GPR39: variants seen among roughly 807,000 people sequenced by gnomAD.
The protein encoded by GPR39 is G protein-coupled receptor 39, also known as zinc sensing receptor.
Under a neutral mutation model 18.4 loss-of-function variants are expected in GPR39, and 23 were observed. That is an observed-to-expected ratio of 1.25 (90% CI 0.90 to 1.77). GPR39 has a LOEUF of 1.77. Among genes scored for constraint, GPR39 ranks in the 40% most tolerant of loss-of-function variants. The pLI, the probability that GPR39 is intolerant of heterozygous loss-of-function variation, is 0.00. For synonymous variants in GPR39, 280 were observed against 257.9 expected (o/e 1.09, Z -0.82); for missense variants, 647 against 602.4 (o/e 1.07, Z -0.78).
At position 132,573,288 on chromosome 2, in the gene GPR39, G is replaced by A. The variant is rs139059824; in HGVS notation, c.857-71813G>A. Among the ~76,000 whole-genome samples the A allele has an allele frequency of 4.9e-3, 748 of 152,224 alleles. 2 individuals carry two copies. Among genetic ancestry groups the A allele is most frequent in the African/African-American group, 0.016 (683 of 41,504 alleles). On this transcript the variant is annotated intron_variant, in intron 1 of 1. Coordinates refer to ENST00000329321, the MANE Select transcript of GPR39 (RefSeq NM_001508.3). ...CCCTCCTTCCTCTATTTTTCCCTCT[G>A]TGGCAATAGCTGACCAAGGAAGCTT...
intron 1 of GPR39, among the ~76,000 whole-genome samples, chr2:132,628,244 G>C (rs935644201): frequency 2.0e-5 from 3 of 152,186 alleles, no homozygotes; most frequent in African/African-American, 7.2e-5. Flanking sequence ...GGTGCCCTGA[G>C]GCTCCTGCCC....
intron 1 of GPR39, among the ~76,000 whole-genome samples, chr2:132,433,355 A>C (rs1049858054): frequency 2.0e-5 from 3 of 152,304 alleles, no homozygotes; most frequent in South Asian, 2.1e-4. Context: ...GGTAAGCTTA[A>C]GTGTTCCTAG....
At chr2:132,422,868 G>C (rs543429014) in intron 1 of GPR39, among the ~76,000 whole-genome samples, 2 of 152,102 alleles carry the variant, frequency 1.3e-5, no homozygotes, top group South Asian at 4.2e-4. Context: ...TGAAATCCCA[G>C]TCCCCATTTA....
At chr2:132,487,665 T>G (rs1195028821) in intron 1 of GPR39, among the ~76,000 whole-genome samples, 1 of 152,172 alleles carries the variant, frequency 6.6e-6, no homozygotes, top group Non-Finnish European at 1.5e-5. Flanking sequence ...TTTAACAGAT[T>G]TAACAGCCAA....
chr2:132,590,703 G>A (rs1453449883), intron 1 of GPR39, among the ~76,000 whole-genome samples: 2 of 130,004 alleles, frequency 1.5e-5, no homozygotes, highest in Non-Finnish European at 3.1e-5. Context: ...AGCATGATGA[G>A]TTTGGGTCTG....
At chr2:132,429,651 T>C (rs573054323) in intron 1 of GPR39, among the ~76,000 whole-genome samples, 1 of 152,212 alleles carries the variant, frequency 6.6e-6, no homozygotes, top group Admixed American at 6.5e-5. Context: ...TAAAAGAGTG[T>C]AAAGGAGCCT....
rs193229927 is a variant in GPR39 at position 132,477,479 on chromosome 2, T to G, written c.856+59581T>G. On this transcript the variant is annotated intron_variant, in intron 1 of 1. Coordinates refer to ENST00000329321, the MANE Select transcript of GPR39 (RefSeq NM_001508.3). ...TACTCGGGAGGCTGAGGTGAGAGGC[T>G]CACGTGAGTCCATGAGGTCGAGGCT... Among the ~76,000 whole-genome samples, 91 of 152,148 alleles carry G rather than the reference T, an allele frequency of 6.0e-4. 1 individual carries two copies. The highest frequency in any genetic ancestry group is 2.0e-3 in the African/African-American group (84 of 41,508).
intron 1 of GPR39, among the ~76,000 whole-genome samples, chr2:132,599,909 A>G (rs1024151260): frequency 6.6e-6 from 1 of 152,152 alleles, no homozygotes; most frequent in Non-Finnish European, 1.5e-5. Context: ...TAATAACACC[A>G]CAGATCTGCT....
intron 1 of GPR39, among the ~76,000 whole-genome samples, chr2:132,531,228 A>C (rs9678894): frequency 0.18 from 28,012 of 152,074 alleles, 2,792 homozygotes; most frequent in African/African-American, 0.25. Context: ...AACAGACTTT[A>C]AACCAACAAA....
chr2:132,425,678 C>T (rs1279626203), intron 1 of GPR39, among the ~76,000 whole-genome samples: 1 of 152,102 alleles, frequency 6.6e-6, no homozygotes, highest in African/African-American at 2.4e-5. Context: ...TGGATTTAAC[C>T]AAGTCACATG....
chr2:132,624,813 CAGTT>C (rs1431778794), intron 1 of GPR39, among the ~76,000 whole-genome samples: 1 of 152,232 alleles, frequency 6.6e-6, no homozygotes, highest in Non-Finnish European at 1.5e-5. Flanking sequence ...GAATATTCCA[CAGTT>C]AGTCTGTGTT....
intron 1 of GPR39, among the ~76,000 whole-genome samples, chr2:132,537,087 A>G (rs1679771931): frequency 6.6e-6 from 1 of 152,120 alleles, no homozygotes. Flanking sequence ...TAATATTGTT[A>G]TGTGGTAATT....
intron 1 of GPR39, among the ~76,000 whole-genome samples, chr2:132,510,529 A>T (rs968178423): frequency 6.6e-6 from 1 of 152,138 alleles, no homozygotes; most frequent in Non-Finnish European, 1.5e-5. Flanking sequence ...CAGAGCCTGG[A>T]CTATTCCAGC....
rs772429121 is a variant in GPR39, at chr2:132,417,439, C to A, written c.397C>A (p.Arg133Ser). Residue 133 changes from arginine to serine, a missense_variant, in exon 1 of 2, where the codon CGC becomes AGC. Coordinates refer to ENST00000329321, the MANE Select transcript of GPR39 (RefSeq NM_001508.3). ...GCACGTGCTGACACTCAGCTTTGAG[C>A]GCTACATCGCCATCTGTCACCCCTT... is the stretch of plus-strand genomic sequence containing the variant. ...LLHVLTLSFE[R>S]YIAICHPFRY... 6.2e-7 allele frequency: 1 copy of A among 1,614,154 alleles called. No homozygotes were observed. The highest frequency in any genetic ancestry group is 1.1e-5 in the South Asian group (1 of 91,074).
chr2:132,533,863 A>C (rs936674357), intron 1 of GPR39, among the ~76,000 whole-genome samples: 12 of 152,240 alleles, frequency 7.9e-5, no homozygotes, highest in African/African-American at 2.7e-4. Context: ...AAAGACTTAC[A>C]TGTTAGACCT....
chr2:132,515,914 T>C (rs1679324079), intron 1 of GPR39, among the ~76,000 whole-genome samples: 1 of 152,202 alleles, frequency 6.6e-6, no homozygotes, highest in African/African-American at 2.4e-5. Context: ...TACATGGTTT[T>C]CCCTAGGTCT....
intron 1 of GPR39, among the ~76,000 whole-genome samples, chr2:132,604,084 G>A (rs1681093109): frequency 6.6e-6 from 1 of 152,090 alleles, no homozygotes; most frequent in Non-Finnish European, 1.5e-5. Flanking sequence ...ACCGAGACAT[G>A]CTTGCCCTAC....
At chr2:132,539,852 A>G (rs1487914141) in intron 1 of GPR39, among the ~76,000 whole-genome samples, 2 of 152,162 alleles carry the variant, frequency 1.3e-5, no homozygotes, top group African/African-American at 2.4e-5. Flanking sequence ...GGGATGGGCA[A>G]TGCTGTGACT....
chr2:132,622,918 C>T (rs1681467674), intron 1 of GPR39, among the ~76,000 whole-genome samples: 1 of 152,080 alleles, frequency 6.6e-6, no homozygotes, highest in African/African-American at 2.4e-5. Flanking sequence ...TCAAGAGCAG[C>T]CTAACCAACC....
Sources: gnomAD v4.1 joint callset for allele counts (sites outside exome capture counted in the v4.1 genomes callset) on GRCh38, gnomAD v4.1.1 for gene constraint, MANE v1.5 for transcripts, NCBI Gene and HGNC (gene_info 2026-07-23, HGNC 2026-07-21) for gene names.